NAALADL2: variants seen among roughly 807,000 people sequenced by gnomAD.
NAALADL2 encodes inactive N-acetylated-alpha-linked acidic dipeptidase-like protein 2.
A neutral mutation model predicts 87.2 loss-of-function variants in NAALADL2; 76 were observed. The ratio of observed to expected loss-of-function variants is 0.87; its 90% CI spans 0.72 to 1.05. The LOEUF is 1.05. Ranked by LOEUF, NAALADL2 falls within the 50% of genes least tolerant of loss-of-function variation. NAALADL2 has a pLI of 0.00. For synonymous variants in NAALADL2, 354 were observed against 331.0 expected (o/e 1.07, Z -0.75); for missense variants, 1,089 against 945.8 (o/e 1.15, Z -1.99).
intron 4 of NAALADL2, among the ~76,000 whole-genome samples, chr3:175,295,888 A>G (rs1379419051): frequency 6.6e-6 from 1 of 151,782 alleles, no homozygotes; most frequent in African/African-American, 2.4e-5. Context: ...ATACTTCATC[A>G]TGAGTTGGAA....
chr3:174,807,923 G>C (rs1310384989), intron 3 of NAALADL2, among the ~76,000 whole-genome samples: 1 of 151,202 alleles, frequency 6.6e-6, no homozygotes, highest in African/African-American at 2.4e-5. Flanking sequence ...GTAGTAGAAT[G>C]TGTCTCTAAT....
chr3:175,202,998 A>G (rs2109172079), intron 2 of NAALADL2, among the ~76,000 whole-genome samples: 1 of 152,126 alleles, frequency 6.6e-6, no homozygotes, highest in Non-Finnish European at 1.5e-5. Flanking sequence ...AACAGCCCCA[A>G]GTCTGTTTCC....
chr3:174,524,470 C>G (rs6792613), intron 1 of NAALADL2, among the ~76,000 whole-genome samples: 108,428 of 151,948 alleles, frequency 0.71, 38,903 homozygotes, highest in East Asian at 0.9. Flanking sequence ...TCTATGAATT[C>G]AAATAATGTC....
chr3:175,319,815 G>A (rs1759616315), intron 4 of NAALADL2, among the ~76,000 whole-genome samples: 1 of 152,122 alleles, frequency 6.6e-6, no homozygotes, highest in Admixed American at 6.5e-5. Flanking sequence ...GCGAGACTGT[G>A]TTTCAAAAAA....
At chr3:175,032,365 G>A (rs181551796) in intron 1 of NAALADL2, among the ~76,000 whole-genome samples, 49 of 151,870 alleles carry the variant, frequency 3.2e-4, no homozygotes, top group East Asian at 1.2e-3. Flanking sequence ...ATATCCATGC[G>A]GTAAGCTCTA....
chr3:174,454,720 A>G (rs2108279585), intron 1 of NAALADL2, among the ~76,000 whole-genome samples: 1 of 152,318 alleles, frequency 6.6e-6, no homozygotes, highest in South Asian at 2.1e-4. Context: ...AATCTCTGGG[A>G]CACAGTTAAA....
At chr3:175,579,480 T>G (rs1166579280) in intron 10 of NAALADL2, among the ~76,000 whole-genome samples, 1 of 152,206 alleles carries the variant, frequency 6.6e-6, no homozygotes, top group Non-Finnish European at 1.5e-5. Flanking sequence ...TTAAAACACC[T>G]TTGATCTTTA....
intron 2 of NAALADL2, among the ~76,000 whole-genome samples, chr3:174,677,638 G>A (rs1383094574): frequency 6.6e-6 from 1 of 152,030 alleles, no homozygotes; most frequent in African/African-American, 2.4e-5. Context: ...TTATATATCA[G>A]TCAATCCATA....
At chr3:174,578,576 T>A (rs1450671404) in intron 2 of NAALADL2, among the ~76,000 whole-genome samples, 1 of 151,982 alleles carries the variant, frequency 6.6e-6, no homozygotes, top group Non-Finnish European at 1.5e-5. Context: ...AGAGACTGAA[T>A]GAATTTTGGA....
At chr3:174,599,621 C>T (rs1279664363) in intron 2 of NAALADL2, among the ~76,000 whole-genome samples, 1 of 152,058 alleles carries the variant, frequency 6.6e-6, no homozygotes, top group Non-Finnish European at 1.5e-5. Context: ...TGATTATTTT[C>T]AAATATGTGG....
chr3:175,509,994 C>A (rs1178959761), intron 9 of NAALADL2, among the ~76,000 whole-genome samples: 4 of 151,864 alleles, frequency 2.6e-5, no homozygotes, highest in Non-Finnish European at 4.4e-5. Context: ...AAAGCTATCC[C>A]TCCCACCTCC....
intron 12 of NAALADL2, among the ~76,000 whole-genome samples, chr3:175,742,484 G>T (rs1015899116): frequency 1.3e-5 from 2 of 152,062 alleles, no homozygotes; most frequent in South Asian, 4.2e-4. Flanking sequence ...TGCAAGCTCC[G>T]CCTCCCGGGT....
At chr3:174,646,925 T>G (rs954472000) in intron 2 of NAALADL2, among the ~76,000 whole-genome samples, 2 of 152,174 alleles carry the variant, frequency 1.3e-5, no homozygotes, top group African/African-American at 4.8e-5. Flanking sequence ...TGACGACATA[T>G]TCTCTGCTTG....
At chr3:175,222,475 C>T (rs1743528763) in intron 2 of NAALADL2, among the ~76,000 whole-genome samples, 2 of 152,304 alleles carry the variant, frequency 1.3e-5, no homozygotes, top group Admixed American at 1.3e-4. Flanking sequence ...ATGTTTCCTA[C>T]TCAGCTATTT....
At chr3:175,078,337 G>C (rs972289436) in intron 1 of NAALADL2, among the ~76,000 whole-genome samples, 3 of 152,108 alleles carry the variant, frequency 2.0e-5, no homozygotes, top group African/African-American at 7.2e-5. Flanking sequence ...AAATGAAGGA[G>C]CTTTATCTTA....
chr3:174,452,331 G>T (rs1386998650), intron 1 of NAALADL2, among the ~76,000 whole-genome samples: 2 of 152,044 alleles, frequency 1.3e-5, no homozygotes, highest in African/African-American at 4.8e-5. Flanking sequence ...AATTTTGTGT[G>T]CTGCCTCCGT....
chr3:174,812,533 C>T (rs1390675459), intron 3 of NAALADL2, among the ~76,000 whole-genome samples: 3 of 151,962 alleles, frequency 2.0e-5, no homozygotes, highest in Non-Finnish European at 4.4e-5. Flanking sequence ...TTTATTGTAG[C>T]GTATACTTCT....
intron 3 of NAALADL2, chr3:175,242,401 C>A (rs1467500982): frequency 6.6e-6 from 1 of 152,160 alleles, no homozygotes; most frequent in Non-Finnish European, 1.5e-5. Context: ...GCAGATGCTG[C>A]AAATTCAGTC....
intron 11 of NAALADL2, among the ~76,000 whole-genome samples, chr3:175,632,083 C>G (rs1197497935): frequency 6.6e-6 from 1 of 151,932 alleles, no homozygotes; most frequent in African/African-American, 2.4e-5. Flanking sequence ...GCTTTTTCCT[C>G]TGATATGGTT....
Sources: allele counts gnomAD v4.1 joint callset (sites outside exome capture counted in the v4.1 genomes callset), GRCh38; gene constraint gnomAD v4.1.1; transcripts MANE v1.5; gene names NCBI Gene and HGNC (gene_info 2026-07-23, HGNC 2026-07-21).